Variants in ARFGEF1 observed in about 807,000 individuals in gnomAD.
ARFGEF1 encodes brefeldin A-inhibited guanine nucleotide-exchange protein 1.
A neutral mutation model predicts 231.0 loss-of-function variants in ARFGEF1; 42 were observed. The ratio of observed to expected loss-of-function variants is 0.18; its 90% CI spans 0.14 to 0.24. The LOEUF (loss-of-function observed/expected upper bound fraction) is 0.24, where lower values mean the gene tolerates loss of function less well. ARFGEF1 is among the 10% of genes least tolerant of loss of function. The pLI is 1.00. For synonymous variants in ARFGEF1, 710 were observed against 732.3 expected (o/e 0.97, Z 0.49); for missense variants, 1,345 against 2,192.0 (o/e 0.61, Z 7.72).
intron 1 of ARFGEF1, among the ~76,000 whole-genome samples, chr8:67,308,752 A>C (rs1806860431): frequency 6.6e-6 from 1 of 152,120 alleles, no homozygotes; most frequent in African/African-American, 2.4e-5. Context: ...AATGCAAGGA[A>C]ATTTTTTTAT....
intron 7 of ARFGEF1, among the ~76,000 whole-genome samples, chr8:67,280,394 G>A (rs1587204968): frequency 6.6e-6 from 1 of 152,346 alleles, no homozygotes; most frequent in South Asian, 2.1e-4. Flanking sequence ...CAGGAAAGGA[G>A]AGAGCAGCAT....
chr8:67,242,122 A>T (rs1274686944), intron 19 of ARFGEF1, among the ~76,000 whole-genome samples: 1 of 152,030 alleles, frequency 6.6e-6, no homozygotes, highest in Non-Finnish European at 1.5e-5. Flanking sequence ...CCCTAAATAA[A>T]CCTGAAAGTC....
chr8:67,326,307 T>C lies in ARFGEF1; in HGVS notation c.124+16857A>G, dbSNP rs184163501. On this transcript the variant is annotated intron_variant, in intron 1 of 38. Transcript: ENST00000262215. The stretch of plus-strand genomic sequence containing the variant: ...TAACTGATAAATGGCAGTTTCCATA[T>C]AATTGAAAAGAACTTGGTATCCATC... Among the ~76,000 whole-genome samples the C allele has an allele frequency of 5.4e-4, 83 of 152,354 alleles. 1 individual carries two copies. The East Asian group carries it at 0.015, about 27-fold the overall frequency.
At chr8:67,262,383 TTATAGA>T (rs1172975710) in intron 14 of ARFGEF1, among the ~76,000 whole-genome samples, 1 of 152,222 alleles carries the variant, frequency 6.6e-6, no homozygotes, top group Non-Finnish European at 1.5e-5. Context: ...TAGCTGCTTC[TTATAGA>T]CAAGTGAAAA....
chr8:67,248,241 A>G (rs1840166256), intron 19 of ARFGEF1, among the ~76,000 whole-genome samples: 1 of 150,498 alleles, frequency 6.6e-6, no homozygotes, highest in Admixed American at 6.6e-5. Context: ...TTCAAGTTAT[A>G]CTACAGAGCT....
intron 1 of ARFGEF1, among the ~76,000 whole-genome samples, chr8:67,321,375 G>A (rs928681323): frequency 6.6e-5 from 10 of 152,188 alleles, no homozygotes; most frequent in Non-Finnish European, 1.3e-4. Flanking sequence ...GTAATGTGAC[G>A]TAGTTGGTTG....
In ARFGEF1 at chr8:67,343,407, G is replaced by T. The variant is rs1191859303; in HGVS notation, c.-120C>A. Reference sequence around the variant, plus strand: ...GAGGGGGTGGAGGTGGGGGATTGGAGGCGTGGAGGGCAGCGGCAGGATCAG... The same window carrying T: ...GAGGGGGTGGAGGTGGGGGATTGGATGCGTGGAGGGCAGCGGCAGGATCAG... On this transcript the variant is annotated 5_prime_UTR_variant, in exon 1 of 39. Coordinates refer to ENST00000262215, the MANE Select transcript of ARFGEF1 (RefSeq NM_006421.5). The T allele has an allele frequency of 6.9e-7, 1 of 1,458,218 alleles. No individual in the cohort carries two copies. The highest frequency in any genetic ancestry group is 1.4e-5 in the South Asian group (1 of 71,500). 90.3% of individuals were successfully genotyped at this position (1,458,218 alleles called of 1,614,324 possible).
downstream of ARFGEF1, among the ~76,000 whole-genome samples, chr8:67,197,141 C>CA (rs1236390488): frequency 6.6e-6 from 1 of 152,076 alleles, no homozygotes; most frequent in Non-Finnish European, 1.5e-5. Context: ...TATTAATATG[C>CA]AAAAAATATT....
chr8:67,175,115 A>G, downstream of ARFGEF1: 1 of 587,450 alleles, frequency 1.7e-6, no homozygotes, highest in Admixed American at 3.0e-5. Context: ...AAAGAATATT[A>G]ATTTCATATT....
chr8:67,217,987 T>G lies in ARFGEF1; in HGVS notation c.4474+16A>C. ...CACATTTAACACTTTGTGTCACATATCTGGTACAGACCTACCTTGCTGCAC... is the reference window on the plus strand; with the variant it reads ...CACATTTAACACTTTGTGTCACATAGCTGGTACAGACCTACCTTGCTGCAC... On this transcript the variant is annotated intron_variant, in intron 31 of 38. Coordinates refer to ENST00000262215, the MANE Select transcript of ARFGEF1 (RefSeq NM_006421.5). 1 of 1,612,368 alleles carries G rather than the reference T, an allele frequency of 6.2e-7. No individual in the cohort carries two copies. Among genetic ancestry groups the G allele is most frequent in the Non-Finnish European group, 8.5e-7 (1 of 1,179,032 alleles).
chr8:67,269,248 C>T (rs559888945), intron 10 of ARFGEF1, among the ~76,000 whole-genome samples: 1 of 151,908 alleles, frequency 6.6e-6, no homozygotes, highest in Non-Finnish European at 1.5e-5. Context: ...ATCACAGAAA[C>T]TCTGAAGTGA....
downstream of ARFGEF1, chr8:67,174,060 C>T (rs1831039577): frequency 6.6e-6 from 1 of 152,072 alleles, no homozygotes; most frequent in Admixed American, 6.6e-5. Context: ...CTTTGGGGTC[C>T]TCAATTTTTA....
intron 19 of ARFGEF1, among the ~76,000 whole-genome samples, chr8:67,250,395 G>A (rs1840242543): frequency 6.6e-6 from 1 of 152,138 alleles, no homozygotes; most frequent in Non-Finnish European, 1.5e-5. Context: ...CTAGCTTGGA[G>A]GATGTTTAAA....
intron 22 of ARFGEF1, among the ~76,000 whole-genome samples, chr8:67,235,082 A>ATG (rs1296270007): frequency 2.1e-5 from 3 of 145,636 alleles, no homozygotes; most frequent in Non-Finnish European, 4.5e-5. Context: ...ATATATATAT[A>ATG]TATGTGTGTG....
At chr8:67,285,133 T>C (rs1805699527) in intron 7 of ARFGEF1, among the ~76,000 whole-genome samples, 1 of 152,112 alleles carries the variant, frequency 6.6e-6, no homozygotes, top group Non-Finnish European at 1.5e-5. Context: ...AGCTCTTCTC[T>C]ATAGAAAAAT....
In ARFGEF1 at chr8:67,217,851, A is replaced by G. The variant is rs1204421626; in HGVS notation, c.4544T>C (p.Phe1515Ser). 6.2e-7 allele frequency: 1 copy of G among 1,614,008 alleles called. No homozygotes were observed. Among genetic ancestry groups the G allele is most frequent in the Non-Finnish European group, 8.5e-7 (1 of 1,179,938 alleles). The change falls in exon 32 of 39, where the codon TTT becomes TCT. Residue 1515 changes from phenylalanine to serine, a missense_variant. Transcript: ENST00000262215. Reference protein sequence around the residue: ...ENVVILNGEKFTLEIWDKTCN... With the variant: ...ENVVILNGEKSTLEIWDKTCN... ...AGTTTTATCCCAGATTTCTAGGGTA[A>G]ATTTTTCACCATTCAGAATAACAAC... is the stretch of plus-strand genomic sequence containing the variant.
At chr8:67,212,941 G>A (rs1838802728) in intron 33 of ARFGEF1, among the ~76,000 whole-genome samples, 1 of 152,040 alleles carries the variant, frequency 6.6e-6, no homozygotes, top group Non-Finnish European at 1.5e-5. Flanking sequence ...AAAAAATTAG[G>A]GATTTAAAAA....
intron 20 of ARFGEF1, 98 bp from the exon 21 acceptor site, chr8:67,238,991 G>GT (rs58721249): frequency 0.15 from 92,969 of 601,608 alleles, 4 homozygotes; most frequent in East Asian, 0.2. Context: ...GTAAGATTTT[G>GT]TTTTTTTTTT....
At chr8:67,297,774 A>C (rs1343811872) in intron 4 of ARFGEF1, among the ~76,000 whole-genome samples, 1 of 151,460 alleles carries the variant, frequency 6.6e-6, no homozygotes, top group Non-Finnish European at 1.5e-5. Flanking sequence ...ATGAAACTAT[A>C]CATGATAGGT....
Sources: gnomAD v4.1 joint callset for allele counts (sites outside exome capture counted in the v4.1 genomes callset) on GRCh38, gnomAD v4.1.1 for gene constraint, MANE v1.5 for transcripts, NCBI Gene and HGNC (gene_info 2026-07-23, HGNC 2026-07-21) for gene names.